Variants in DOCK4 observed in about 807,000 individuals in gnomAD.
The protein encoded by DOCK4 is dedicator of cytokinesis protein 4.
A neutral mutation model predicts 268.1 loss-of-function variants in DOCK4; 97 were observed. The observed-to-expected ratio is 0.36, with a 90% confidence interval of 0.31 to 0.43. The LOEUF (loss-of-function observed/expected upper bound fraction) is 0.43. Among genes scored for constraint, DOCK4 ranks in the 20% least tolerant of loss-of-function variants. DOCK4 has a pLI of 1.00. For missense variants in DOCK4, 2,145 were observed against 2,455.7 expected (o/e 0.87, Z 2.67); for synonymous variants, 954 against 887.2 (o/e 1.08, Z -1.34).
intron 46 of DOCK4, 82 bp downstream of exon 46, chr7:111,741,458 T>C (rs1795910885): frequency 3.5e-5 from 54 of 1,549,380 alleles, no homozygotes; most frequent in Non-Finnish European, 4.7e-5. Context: ...TTTGACAAAT[T>C]GTGCCATAAA....
chr7:111,938,271 C>T (rs1794901234), intron 11 of DOCK4, among the ~76,000 whole-genome samples: 1 of 152,102 alleles, frequency 6.6e-6, no homozygotes. Flanking sequence ...TACATAGGTC[C>T]CATTGGATGG....
intron 1 of DOCK4, among the ~76,000 whole-genome samples, chr7:112,150,083 G>A (rs1336637578): frequency 6.6e-6 from 1 of 152,158 alleles, no homozygotes; most frequent in Non-Finnish European, 1.5e-5. Context: ...GCTTAGAGAA[G>A]TAATGTTCCT....
intron 1 of DOCK4, among the ~76,000 whole-genome samples, chr7:112,140,746 T>G (rs1001306550): frequency 4.6e-5 from 7 of 151,974 alleles, no homozygotes; most frequent in African/African-American, 1.7e-4. Context: ...TGCACAAATC[T>G]CGAAGAATCA....
chr7:112,183,001 A>T (rs1030023560), intron 1 of DOCK4, among the ~76,000 whole-genome samples: 1 of 152,192 alleles, frequency 6.6e-6, no homozygotes, highest in Non-Finnish European at 1.5e-5. Flanking sequence ...GGACACAAAC[A>T]GCATCACTGT....
intron 1 of DOCK4, among the ~76,000 whole-genome samples, chr7:112,098,551 AATAT>A (rs1040901054): frequency 2.7e-5 from 4 of 149,754 alleles, no homozygotes; most frequent in Non-Finnish European, 5.9e-5. Context: ...TATTTTATAT[AATAT>A]ATAGATAGAT....
At chr7:111,739,264 A>G (rs1362601149) in intron 48 of DOCK4, 21 bp from the exon 49 acceptor site, 2 of 1,607,142 alleles carry the variant, frequency 1.2e-6, no homozygotes, top group African/African-American at 2.7e-5. Flanking sequence ...AAGGAGAGAG[A>G]GGATCATCAG....
intron 1 of DOCK4, among the ~76,000 whole-genome samples, chr7:112,195,522 C>CAT (rs1820340274): frequency 1.3e-5 from 2 of 152,102 alleles, no homozygotes; most frequent in South Asian, 4.1e-4. Flanking sequence ...CCTCAACCAA[C>CAT]TTTGGCTACC....
At chr7:111,995,725 C>A (rs1586600021) in intron 4 of DOCK4, among the ~76,000 whole-genome samples, 1 of 152,068 alleles carries the variant, frequency 6.6e-6, no homozygotes, top group East Asian at 1.9e-4. Context: ...TTTGTAAAAT[C>A]TTCTTGTCAG....
intron 24 of DOCK4, among the ~76,000 whole-genome samples, chr7:111,846,166 G>A (rs1255984567): frequency 6.6e-6 from 1 of 152,168 alleles, no homozygotes; most frequent in Non-Finnish European, 1.5e-5. Context: ...ATCTTCAGAA[G>A]CTGATCGTAA....
At chr7:111,936,864 A>T (rs897777528) in intron 11 of DOCK4, among the ~76,000 whole-genome samples, 30 of 152,258 alleles carry the variant, frequency 2.0e-4, no homozygotes, top group African/African-American at 7.0e-4. Flanking sequence ...GATGGAGGTG[A>T]TTTTTGAGCC....
At chr7:112,058,576 A>G (rs553086104) in intron 1 of DOCK4, among the ~76,000 whole-genome samples, 24 of 152,274 alleles carry the variant, frequency 1.6e-4, no homozygotes, top group Non-Finnish European at 3.1e-4. Context: ...TCATGAACAC[A>G]TTAAATATTA....
In DOCK4 at chr7:112,000,512, TA is replaced by T; in HGVS notation, c.143del (p.Leu48Ter). ...KCDGWYRGFALKNPNIKGIFP... is the reference protein window; with the variant it reads ...KCDGWYRGFAXKNPNIKGIFP... ...TTTTTACCTTGATATTTGGGTTTTTTAAGGCAAATCCTCTGTACCAGCCTGT... is the reference window on the plus strand; with the variant it reads ...TTTTTACCTTGATATTTGGGTTTTTTAGGCAAATCCTCTGTACCAGCCTGT... On this transcript the variant is annotated frameshift_variant, in exon 3 of 53. Transcript: ENST00000428084. LOFTEE classifies it high-confidence loss of function. The T allele has an allele frequency of 6.5e-7, 1 of 1,550,240 alleles. No homozygotes were observed. The highest frequency in any genetic ancestry group is 8.8e-7 in the Non-Finnish European group (1 of 1,139,630).
intron 49 of DOCK4, 40 bp downstream of exon 49, chr7:111,739,094 T>A (rs10258414): frequency 6.4e-7 from 1 of 1,555,076 alleles, no homozygotes; most frequent in East Asian, 2.2e-5. Context: ...AATTCCAGAA[T>A]TGTCCTTGTT....
intron 8 of DOCK4, among the ~76,000 whole-genome samples, chr7:111,976,363 T>C (rs1161634829): frequency 2.1e-5 from 3 of 140,264 alleles, no homozygotes; most frequent in Non-Finnish European, 4.6e-5. Context: ...TTGAAAAGTA[T>C]TTTTTTAAAG....
At chr7:112,009,588 A>AC (rs2135350076) in intron 1 of DOCK4, among the ~76,000 whole-genome samples, 1 of 152,088 alleles carries the variant, frequency 6.6e-6, no homozygotes, top group African/African-American at 2.4e-5. Context: ...GAATTCTTAG[A>AC]CCTCTGAGGT....
chr7:112,148,291 G>A (rs1319788316), intron 1 of DOCK4, among the ~76,000 whole-genome samples: 1 of 152,184 alleles, frequency 6.6e-6, no homozygotes, highest in Non-Finnish European at 1.5e-5. Context: ...AGTGCTGGCA[G>A]AGGGACAGGG....
At chr7:111,740,729 TAAAAAAAAAAA>T (rs59019816) in intron 47 of DOCK4, among the ~76,000 whole-genome samples, 9 of 16,482 alleles carry the variant, frequency 5.5e-4, no homozygotes, top group Admixed American at 3.2e-3. Flanking sequence ...TGAGACTCGC[TAAAAAAAAAAA>T]AAAAAAAAAA....
Position 111,779,012 on chromosome 7 carries a change from G to A in DOCK4, c.3586-643C>T, listed in dbSNP as rs375541704. Among the ~76,000 whole-genome samples, 24 of 151,828 alleles carry A rather than the reference G, an allele frequency of 1.6e-4. 2 individuals are homozygous for A. In the East Asian group the frequency reaches 2.9e-3, roughly 18 times the overall value. On this transcript the variant is annotated intron_variant, in intron 35 of 52. Transcript: ENST00000428084. ...GGAGGCTGCAGTGAGCCAAGATCAT[G>A]CCACTGCACTGCAGCCTGGTGACAG...
chr7:112,116,774 C>T (rs13236940), intron 1 of DOCK4, among the ~76,000 whole-genome samples: 47,861 of 152,010 alleles, frequency 0.31, 7,814 homozygotes, highest in East Asian at 0.55. Context: ...TTTCTTTTCT[C>T]TTTTTTGTAG....
Sources: gnomAD v4.1 joint callset for allele counts (sites outside exome capture counted in the v4.1 genomes callset) on GRCh38, gnomAD v4.1.1 for gene constraint, MANE v1.5 for transcripts, NCBI Gene and HGNC (gene_info 2026-07-23, HGNC 2026-07-21) for gene names.